Variants in PTPRD observed in about 807,000 individuals in gnomAD.
PTPRD encodes receptor-type tyrosine-protein phosphatase delta.
Under a neutral mutation model 214.5 loss-of-function variants are expected in PTPRD, and 34 were observed. The observed-to-expected ratio is 0.16, with a 90% confidence interval of 0.12 to 0.21. The LOEUF is 0.21. Ranked by LOEUF, PTPRD falls within the 10% of genes least tolerant of loss-of-function variation. PTPRD has a pLI of 1.00. For synonymous variants in PTPRD, 1,128 were observed against 845.7 expected (o/e 1.33, Z -5.79); for missense variants, 2,545 against 2,398.7 (o/e 1.06, Z -1.27).
intron 9 of PTPRD, among the ~76,000 whole-genome samples, chr9:9,267,406 A>G (rs1246172227): frequency 1.3e-5 from 2 of 151,322 alleles, no homozygotes; most frequent in African/African-American, 2.4e-5. Context: ...TTGAATCAGT[A>G]ATTAAAAATC....
chr9:8,524,742 G>C (rs1355447187), intron 18 of PTPRD, 183 bp downstream of exon 18: 1 of 738,450 alleles, frequency 1.4e-6, no homozygotes, highest in African/African-American at 1.7e-5. Context: ...CTCAAGAGTT[G>C]TCTTTTGGAG....
At chr9:8,859,332 G>C (rs2154545292) in intron 11 of PTPRD, among the ~76,000 whole-genome samples, 1 of 152,296 alleles carries the variant, frequency 6.6e-6, no homozygotes, top group East Asian at 1.9e-4. Flanking sequence ...AGGTGACTAA[G>C]GTGCACTGTG....
intron 8 of PTPRD, among the ~76,000 whole-genome samples, chr9:9,531,096 T>A (rs1032448920): frequency 6.6e-6 from 1 of 152,192 alleles, no homozygotes; most frequent in Non-Finnish European, 1.5e-5. Flanking sequence ...CCAAATGCCT[T>A]GACTTCATCC....
At chr9:9,988,108 A>T (rs542598106) in intron 4 of PTPRD, among the ~76,000 whole-genome samples, 2 of 152,306 alleles carry the variant, frequency 1.3e-5, no homozygotes, top group South Asian at 4.1e-4. Flanking sequence ...AGCTAAATTT[A>T]TCATAACTCT....
intron 8 of PTPRD, among the ~76,000 whole-genome samples, chr9:9,553,222 C>T (rs540612299): frequency 6.6e-6 from 1 of 152,036 alleles, no homozygotes; most frequent in Admixed American, 6.6e-5. Flanking sequence ...AATTTCATCC[C>T]TATAAATATG....
chr9:10,076,991 C>T (rs2098141919), intron 3 of PTPRD, among the ~76,000 whole-genome samples: 1 of 152,114 alleles, frequency 6.6e-6, no homozygotes, highest in African/African-American at 2.4e-5. Context: ...CATTATTTCC[C>T]TTTTCCTTGC....
intron 11 of PTPRD, among the ~76,000 whole-genome samples, chr9:8,848,058 C>A (rs1463098692): frequency 1.3e-5 from 2 of 151,974 alleles, no homozygotes; most frequent in African/African-American, 4.8e-5. Flanking sequence ...AAGAACTATT[C>A]TTGGTGGAAA....
At chr9:9,396,382 T>C (rs1379191426) in intron 9 of PTPRD, among the ~76,000 whole-genome samples, 1 of 152,004 alleles carries the variant, frequency 6.6e-6, no homozygotes, top group East Asian at 1.9e-4. Flanking sequence ...AGATTCTAAA[T>C]CAGAATCTGC....
chr9:8,389,456 A>T (rs563943916), intron 36 of PTPRD, 49 bp from the exon 37 acceptor site: 4 of 1,474,740 alleles, frequency 2.7e-6, no homozygotes, highest in African/African-American at 2.8e-5. Context: ...TCACAAGAGG[A>T]AACAGCCTGG....
chr9:10,605,706 T>A (rs979457315), intron 2 of PTPRD, among the ~76,000 whole-genome samples: 1 of 151,818 alleles, frequency 6.6e-6, no homozygotes, highest in African/African-American at 2.4e-5. Context: ...GGGAAGAGAT[T>A]CCTTTTTCTC....
intron 7 of PTPRD, among the ~76,000 whole-genome samples, chr9:9,578,010 C>T (rs567203214): frequency 1.6e-5 from 2 of 124,386 alleles, no homozygotes; most frequent in South Asian, 2.8e-4. Context: ...TGTACTACTG[C>T]ACTCCAGCCT....
chr9:10,612,704 G>A lies in PTPRD; in HGVS notation c.-724C>T, dbSNP rs992341135. ...GCAAAGTACCTGCACTCTCCCCGCC[G>A]AGGCTGGCTGGCGGCGCCGCGCCGG... is the stretch of plus-strand genomic sequence containing the variant. On this transcript the variant is annotated 5_prime_UTR_variant, in exon 1 of 46. Coordinates refer to ENST00000381196, the MANE Select transcript of PTPRD (RefSeq NM_002839.4). The A allele has an allele frequency of 6.6e-6, 1 of 152,490 alleles. No homozygotes were observed. 9.4% of individuals were successfully genotyped at this position (152,490 alleles called of 1,614,324 possible).
intron 3 of PTPRD, among the ~76,000 whole-genome samples, chr9:10,084,700 G>A (rs533983417): frequency 2.0e-5 from 3 of 151,810 alleles, no homozygotes; most frequent in South Asian, 2.1e-4. Context: ...ACACAACTTC[G>A]CAACTCTGCC....
chr9:8,569,855 A>C (rs1165008204), intron 14 of PTPRD, among the ~76,000 whole-genome samples: 1 of 152,172 alleles, frequency 6.6e-6, no homozygotes, highest in Non-Finnish European at 1.5e-5. Flanking sequence ...ATTCATGATG[A>C]AAACTAATAC....
intron 14 of PTPRD, 61 bp from the exon 15 acceptor site, chr9:8,528,840 G>C (rs952734737): frequency 6.6e-7 from 1 of 1,523,182 alleles, no homozygotes; most frequent in East Asian, 2.3e-5. Context: ...AAATTCAAGA[G>C]ATTCCCCAGA....
chr9:10,508,208 C>T (rs1425920732), intron 2 of PTPRD, among the ~76,000 whole-genome samples: 4 of 152,208 alleles, frequency 2.6e-5, no homozygotes, highest in Non-Finnish European at 1.5e-5. Context: ...CTCATCAGCA[C>T]TGGCCATCAG....
intron 37 of PTPRD, among the ~76,000 whole-genome samples, chr9:8,386,227 C>T (rs1198366889): frequency 1.3e-5 from 2 of 152,148 alleles, no homozygotes; most frequent in African/African-American, 4.8e-5. Flanking sequence ...TATTTGAACT[C>T]AGACATCTGA....
chr9:10,202,624 G>T (rs1250397678), intron 3 of PTPRD, among the ~76,000 whole-genome samples: 1 of 145,034 alleles, frequency 6.9e-6, no homozygotes, highest in Non-Finnish European at 1.5e-5. Context: ...CTTGAGGGGT[G>T]CTTCAAATGC....
At chr9:8,325,578 G>A (rs1165269060) in intron 44 of PTPRD, among the ~76,000 whole-genome samples, 1 of 148,320 alleles carries the variant, frequency 6.7e-6, no homozygotes, top group Admixed American at 6.9e-5. Context: ...CTCTTTTTTG[G>A]TTCCATGTCA....
Sources: gnomAD v4.1 joint callset for allele counts (sites outside exome capture counted in the v4.1 genomes callset) on GRCh38, gnomAD v4.1.1 for gene constraint, MANE v1.5 for transcripts, NCBI Gene and HGNC (gene_info 2026-07-23, HGNC 2026-07-21) for gene names.